Variants in MYO18A observed in about 807,000 individuals in gnomAD.
MYO18A encodes the protein myosin XVIIIA.
In MYO18A, 78 loss-of-function variants were observed where a neutral mutation model predicts 235.8. The observed-to-expected ratio is 0.33, with a 90% CI of 0.28 to 0.40. The LOEUF (loss-of-function observed/expected upper bound fraction) is 0.40. Ranked by LOEUF, MYO18A falls within the 10% of genes least tolerant of loss-of-function variation. The pLI is 1.00. For synonymous variants in MYO18A, 977 were observed against 1,077.8 expected (o/e 0.91, Z 1.83); for missense variants, 2,215 against 2,699.3 (o/e 0.82, Z 3.98).
In MYO18A at chr17:29,120,840, A is replaced by G; in HGVS notation, c.1586-82T>C. ...GCTAGGAGCTACCCCAGAGGTATGA[A>G]GGCTTGGGGCCATTCAGACCAGAAC... On this transcript the variant is annotated intron_variant, in intron 6 of 41. Transcript: ENST00000527372. The surrounding 1 kb of genome is among the most constrained non-coding windows in gnomAD (Gnocchi z 4.2). 1 of 1,572,792 alleles carries G rather than the reference A, an allele frequency of 6.4e-7. No homozygotes were observed. Among genetic ancestry groups the G allele is most frequent in the Non-Finnish European group, 8.6e-7 (1 of 1,157,532 alleles).
intron 2 of MYO18A, among the ~76,000 whole-genome samples, chr17:29,134,751 G>A (rs1271292794): frequency 6.6e-6 from 1 of 152,082 alleles, no homozygotes; most frequent in Non-Finnish European, 1.5e-5. Context: ...TCGAACTCCT[G>A]ACCTCAGGTG....
intron 2 of MYO18A, among the ~76,000 whole-genome samples, chr17:29,156,468 C>T (rs1446925346): frequency 6.6e-6 from 1 of 152,188 alleles, no homozygotes; most frequent in Non-Finnish European, 1.5e-5. Flanking sequence ...TGCCAGGCCC[C>T]AGGCATGCAA....
intron 41 of MYO18A, chr17:29,075,152 C>G (rs1195227814): frequency 4.2e-6 from 2 of 478,572 alleles, no homozygotes; most frequent in East Asian, 3.5e-5. Context: ...GTCTCGGACT[C>G]AAGCGTGCAT....
intron 41 of MYO18A, chr17:29,077,794 T>C (rs927281994): frequency 2.0e-5 from 3 of 152,314 alleles, no homozygotes; most frequent in Non-Finnish European, 4.4e-5. Flanking sequence ...GCTGAGGGCA[T>C]TGGGGTCTGA....
intron 2 of MYO18A, among the ~76,000 whole-genome samples, chr17:29,144,076 G>GCAA (rs2067798658): frequency 6.6e-6 from 1 of 152,208 alleles, no homozygotes; most frequent in African/African-American, 2.4e-5. Context: ...TCTCCACTCA[G>GCAA]CTTCACATGC....
At chr17:29,175,991 G>C (rs1436889058) in intron 1 of MYO18A, among the ~76,000 whole-genome samples, 1 of 152,198 alleles carries the variant, frequency 6.6e-6, no homozygotes, top group Admixed American at 6.5e-5. Context: ...CCCGGAGGCG[G>C]AGGTTGCAGT....
intron 21 of MYO18A, 106 bp from the exon 22 acceptor site, chr17:29,099,868 C>T: frequency 6.8e-7 from 1 of 1,465,310 alleles, no homozygotes; most frequent in Non-Finnish European, 9.1e-7. Flanking sequence ...GGAGTACAGC[C>T]CTTGGCTTGG....
rs941230894 is a variant in MYO18A at position 29,090,730 on chromosome 17, C to T, written c.5304+80G>A. On this transcript the variant is annotated intron_variant, in intron 35 of 41. Transcript: ENST00000527372. ...CCACTCCATCACCTCCCAAAACAAG[C>T]GGTTGTGCGGGGGACCCATGAGGAG... is the stretch of plus-strand genomic sequence containing the variant. The T allele has an allele frequency of 1.4e-5, 21 of 1,526,346 alleles. No homozygotes were observed. In the South Asian group the frequency reaches 1.6e-4, roughly 11 times the overall value. 94.6% of individuals were successfully genotyped at this position (1,526,346 alleles called of 1,614,324 possible).
In MYO18A at chr17:29,111,732, A is replaced by C. The variant is rs745931922; in HGVS notation, c.2730T>G (p.Gly910=). ...RLFSYYGPQE[G]DKKGQSPLLH... is the part of the protein sequence containing the mutation. Reference sequence around the variant, plus strand: ...AGGGATGCCACCTACCTTTTTTGTCACCTTCCTGGGGGCCATAATAGGAGA... The same window carrying C: ...AGGGATGCCACCTACCTTTTTTGTCCCCTTCCTGGGGGCCATAATAGGAGA... The change falls in exon 16 of 42, where the codon GGT becomes GGG. Residue 910 remains glycine, a synonymous_variant. Coordinates refer to ENST00000527372, the MANE Select transcript of MYO18A (RefSeq NM_078471.4). The surrounding 1 kb of genome is among the most constrained non-coding windows in gnomAD (Gnocchi z 5.1). The C allele has an allele frequency of 6.2e-7, 1 of 1,612,902 alleles. No individual in the cohort carries two copies. Among genetic ancestry groups the C allele is most frequent in the South Asian group, 1.1e-5 (1 of 91,044 alleles).
rs372516386 is a variant in MYO18A, at chr17:29,109,995, C to T, written c.3194G>A (p.Arg1065Gln). Residue 1065 changes from arginine to glutamine, a missense_variant, in exon 19 of 42, where the codon CGA (arginine) becomes CAA (glutamine). Transcript: ENST00000527372. This position sits in a 1 kb window ranked among gnomAD's most constrained non-coding sequence, Gnocchi z 4.1. The part of the protein sequence containing the change: ...AGEPRSASSR[R>Q]VSSSSELDLP... ...GTCCAGCTCACTGCTGCTGCTGACT[C>T]GGCGGGAGGAGGCGGAACGGGGCTC... is the stretch of plus-strand genomic sequence containing the variant. 17 of 1,611,870 alleles carry T rather than the reference C, an allele frequency of 1.1e-5. No individual in the cohort carries two copies. The Admixed American group carries it at 1.2e-4, about 11-fold the overall frequency.
chr17:29,180,177 C>A lies in MYO18A; in HGVS notation c.-82+136G>T, dbSNP rs2068617579. On this transcript the variant is annotated intron_variant, in intron 1 of 41. Coordinates refer to ENST00000527372, the MANE Select transcript of MYO18A (RefSeq NM_078471.4). This position sits in a 1 kb window ranked among gnomAD's most constrained non-coding sequence, Gnocchi z 6.1. ...AGCCGGGAGTCCGGGCCGCTGCTTC[C>A]AGGGGACGGGGGAGGAGGAGGAGGA... is the stretch of plus-strand genomic sequence containing the variant. The A allele has an allele frequency of 6.6e-6, 1 of 151,702 alleles. No individual in the cohort carries two copies. Among genetic ancestry groups the A allele is most frequent in the Non-Finnish European group, 1.5e-5 (1 of 67,774 alleles). 9.4% of individuals were successfully genotyped at this position (151,702 alleles called of 1,614,324 possible).
In MYO18A at chr17:29,111,631, A is replaced by G. The variant is rs1028255046; in HGVS notation, c.2741-48T>C. The G allele has an allele frequency of 3.1e-6, 5 of 1,612,266 alleles. No homozygotes were observed. The highest frequency in any genetic ancestry group is 3.3e-5 in the Admixed American group (2 of 59,960). On this transcript the variant is annotated intron_variant, in intron 16 of 41. Transcript: ENST00000527372. This position sits in a 1 kb window ranked among gnomAD's most constrained non-coding sequence, Gnocchi z 5.1. ...TTAGGTCGTCAGGGTACAGGCACAAAGTGACCCCCGCCCCCTCCCAGGGAG... is the reference window on the plus strand; with the variant it reads ...TTAGGTCGTCAGGGTACAGGCACAAGGTGACCCCCGCCCCCTCCCAGGGAG...
intron 1 of MYO18A, among the ~76,000 whole-genome samples, chr17:29,171,500 T>G (rs1285062053): frequency 6.6e-6 from 1 of 152,094 alleles, no homozygotes; most frequent in Non-Finnish European, 1.5e-5. Flanking sequence ...AAAAGAACTA[T>G]AAACAAATAT....
chr17:29,098,982 T>G lies in MYO18A; in HGVS notation c.3637-13A>C, dbSNP rs1038610925. 9 of 1,611,620 alleles carry G rather than the reference T, an allele frequency of 5.6e-6. No individual in the cohort carries two copies. The highest frequency in any genetic ancestry group is 3.3e-5 in the Admixed American group (2 of 59,958). On this transcript the variant is annotated splice_polypyrimidine_tract_variant and intron_variant, in intron 22 of 41. Transcript: ENST00000527372. ...CCAGGTCCTGGATCTGCAGGTGGGG[T>G]GGGGGTGGTGCACAGCGGGGCTCTC...
At chr17:29,100,604 T>C (rs1217808354) in intron 21 of MYO18A, among the ~76,000 whole-genome samples, 1 of 152,042 alleles carries the variant, frequency 6.6e-6, no homozygotes, top group Non-Finnish European at 1.5e-5. Context: ...CAAAGGGAAG[T>C]GTGTGTGAAA....
chr17:29,095,780 C>T (rs1033419513), intron 28 of MYO18A, among the ~76,000 whole-genome samples: 1 of 152,264 alleles, frequency 6.6e-6, no homozygotes, highest in African/African-American at 2.4e-5. Context: ...CTTACCCCAA[C>T]TCCACATCAA....
intron 2 of MYO18A, among the ~76,000 whole-genome samples, chr17:29,130,274 T>C (rs2067430231): frequency 8.8e-6 from 1 of 113,998 alleles, no homozygotes; most frequent in Non-Finnish European, 1.6e-5. Context: ...CATTCCAGCC[T>C]GGGTGACAGA....
At chr17:29,089,769 G>C (rs756092589) in intron 37 of MYO18A, among the ~76,000 whole-genome samples, 192 bp downstream of exon 37, 1 of 152,228 alleles carries the variant, frequency 6.6e-6, no homozygotes, top group African/African-American at 2.4e-5. Context: ...TAAAGCAGGC[G>C]GGCTCCACGG....
intron 2 of MYO18A, chr17:29,131,445 G>A (rs8070400): frequency 0.015 from 14,344 of 985,630 alleles, 277 homozygotes; most frequent in African/African-American, 0.087. Flanking sequence ...TCTTTAACCT[G>A]AGGGAGCAGA....
Sources: allele counts gnomAD v4.1 joint callset (sites outside exome capture counted in the v4.1 genomes callset), GRCh38; gene constraint gnomAD v4.1.1; non-coding constraint Gnocchi (gnomAD v3.1); transcripts MANE v1.5; gene names NCBI Gene and HGNC (gene_info 2026-07-23, HGNC 2026-07-21).